PCDHGB2: variants seen among roughly 807,000 people sequenced by gnomAD.
PCDHGB2 encodes protocadherin gamma-B2.
In PCDHGB2, 55 loss-of-function variants were observed where a neutral mutation model predicts 59.3. The observed-to-expected ratio is 0.93, with a 90% CI of 0.75 to 1.16. PCDHGB2 has a LOEUF of 1.16. Ranked by LOEUF, PCDHGB2 falls within the 50% of genes most tolerant of loss-of-function variation. The pLI, the probability that PCDHGB2 is intolerant of heterozygous loss-of-function variation, is 0.00. For synonymous variants in PCDHGB2, 516 were observed against 512.0 expected (o/e 1.01, Z -0.11); for missense variants, 1,228 against 1,198.5 (o/e 1.02, Z -0.36).
intron 1 of PCDHGB2, among the ~76,000 whole-genome samples, chr5:141,454,658 G>A (rs961640658): frequency 7.2e-5 from 11 of 151,812 alleles, no homozygotes; most frequent in Admixed American, 6.6e-5. Context: ...TGCCCACCTC[G>A]GCCTCCCAAA....
In PCDHGB2 at chr5:141,477,982, G is replaced by A; in HGVS notation, c.2422-16825G>A. ...CTAACCAGAGCCTTTTTGCCATAGG[G>A]CTGCACACTGGTCAAATCAGTACTG... is the stretch of plus-strand genomic sequence containing the variant. On this transcript the variant is annotated intron_variant, in intron 1 of 3. Transcript: ENST00000522605. The surrounding 1 kb of genome is among the most constrained non-coding windows in gnomAD (Gnocchi z 4.9). 6.2e-7 allele frequency: 1 copy of A among 1,614,066 alleles called. No individual in the cohort carries two copies. Among genetic ancestry groups the A allele is most frequent in the Non-Finnish European group, 8.5e-7 (1 of 1,180,014 alleles).
chr5:141,385,048 C>A, intron 1 of PCDHGB2: 1 of 1,614,150 alleles, frequency 6.2e-7, no homozygotes, highest in Non-Finnish European at 8.5e-7. Flanking sequence ...GCTCAGGCTG[C>A]GGCGCTGGCA....
chr5:141,360,030 A>T lies in PCDHGB2; in HGVS notation c.-106A>T. Reference sequence around the variant, plus strand: ...AACCACACAGAGAAGGCCAGTATAGATTCGGAAACAGAAAACAAAAGCAGG... The same window carrying T: ...AACCACACAGAGAAGGCCAGTATAGTTTCGGAAACAGAAAACAAAAGCAGG... On this transcript the variant is annotated 5_prime_UTR_variant, in exon 1 of 4. Transcript: ENST00000522605. The T allele has an allele frequency of 4.3e-6, 6 of 1,381,784 alleles. No individual in the cohort carries two copies. The highest frequency in any genetic ancestry group is 5.8e-6 in the Non-Finnish European group (6 of 1,042,048). 85.6% of individuals were successfully genotyped at this position (1,381,784 alleles called of 1,614,324 possible).
intron 1 of PCDHGB2, chr5:141,409,189 C>T (rs1216028242): frequency 6.2e-7 from 1 of 1,613,918 alleles, no homozygotes; most frequent in Admixed American, 1.7e-5. Flanking sequence ...GTCTCTCTAC[C>T]CAGTGTAAAG....
rs764579211 is a variant in PCDHGB2 at position 141,489,393 on chromosome 5, T to C, written c.2422-5414T>C. 1.9e-5 allele frequency: 30 copies of C among 1,614,098 alleles called. No individual in the cohort carries two copies. In the South Asian group the frequency reaches 3.3e-4, roughly 18 times the overall value. On this transcript the variant is annotated intron_variant, in intron 1 of 3. Coordinates refer to ENST00000522605, the MANE Select transcript of PCDHGB2 (RefSeq NM_018923.3). The surrounding 1 kb of genome is among the most constrained non-coding windows in gnomAD (Gnocchi z 4.5). ...CGCTGGTGGGGAATGTTGCTCAGGA[T>C]CTGGGCTTAAAGATGACAGATCTGT...
chr5:141,430,910 G>A lies in PCDHGB2; in HGVS notation c.2422-63897G>A. The A allele has an allele frequency of 6.2e-7, 1 of 1,608,040 alleles. No homozygotes were observed. The highest frequency in any genetic ancestry group is 8.5e-7 in the Non-Finnish European group (1 of 1,177,584). On this transcript the variant is annotated intron_variant, in intron 1 of 3. Coordinates refer to ENST00000522605, the MANE Select transcript of PCDHGB2 (RefSeq NM_018923.3). ...CTCTAGGGTGGGCGACATCTCCAGG[G>A]ACCTGGGGCTGGAGCCCCGGGAGCT...
Position 141,491,797 on chromosome 5 carries a change from G to C in PCDHGB2, c.2422-3010G>C, listed in dbSNP as rs537755017. The C allele has an allele frequency of 7.9e-5, 119 of 1,506,700 alleles. No homozygotes were observed. In the Admixed American group the frequency reaches 1.4e-3, roughly 18 times the overall value. 93.3% of individuals were successfully genotyped at this position (1,506,700 alleles called of 1,614,324 possible). On this transcript the variant is annotated intron_variant, in intron 1 of 3. Coordinates refer to ENST00000522605, the MANE Select transcript of PCDHGB2 (RefSeq NM_018923.3). The surrounding 1 kb of genome is among the most constrained non-coding windows in gnomAD (Gnocchi z 6.9). The stretch of plus-strand genomic sequence containing the variant: ...ATTGAACTTGCATCCACTCCTCTCC[G>C]GCCGGCTTGGTCGCTGGCTGCGCTC...
At chr5:141,438,631 TATATACAC>T (rs1213304454) in intron 1 of PCDHGB2, among the ~76,000 whole-genome samples, 683 of 43,114 alleles carry the variant, frequency 0.016, 2 homozygotes, top group African/African-American at 0.049. Context: ...TATATATATA[TATATACAC>T]ACACACACAC....
chr5:141,379,107 T>G (rs74510444), intron 1 of PCDHGB2: 16 of 152,328 alleles, frequency 1.1e-4, no homozygotes, highest in African/African-American at 3.6e-4. Context: ...AAAAAGCAAT[T>G]GAGAAGATAC....
In PCDHGB2 at chr5:141,432,582, T is replaced by A. The variant is rs1561862595; in HGVS notation, c.2422-62225T>A. 2 of 1,613,236 alleles carry A rather than the reference T, an allele frequency of 1.2e-6. No homozygotes were observed. The highest frequency in any genetic ancestry group is 1.7e-6 in the Non-Finnish European group (2 of 1,179,922). On this transcript the variant is annotated intron_variant, in intron 1 of 3. Transcript: ENST00000522605. This position sits in a 1 kb window ranked among gnomAD's most constrained non-coding sequence, Gnocchi z 6.0. ...CAGAACGCCTGGCTGTCCTACCGTC[T>A]GCTCAAGGCCAGCGAGCCGGGACTC...
At chr5:141,394,057 T>C (rs1318938543) in intron 1 of PCDHGB2, 1 of 1,613,750 alleles carries the variant, frequency 6.2e-7, no homozygotes, top group East Asian at 2.2e-5. Flanking sequence ...CGAGAAAATG[T>C]CTCTATCTAC....
intron 1 of PCDHGB2, among the ~76,000 whole-genome samples, chr5:141,402,471 A>G (rs1241536886): frequency 6.6e-6 from 1 of 152,238 alleles, no homozygotes; most frequent in Non-Finnish European, 1.5e-5. Context: ...CTAGAAATAG[A>G]GTGCAAAGTT....
chr5:141,423,506 T>C (rs1242003813), intron 1 of PCDHGB2: 1 of 1,613,808 alleles, frequency 6.2e-7, no homozygotes, highest in African/African-American at 1.3e-5. Context: ...GAGGTCTCTC[T>C]CATTGCGGAC....
intron 1 of PCDHGB2, chr5:141,395,335 T>C (rs2093216572): frequency 6.9e-7 from 1 of 1,441,668 alleles, no homozygotes; most frequent in Non-Finnish European, 9.2e-7. Flanking sequence ...GAAAATAATT[T>C]TTAAGGTGTA....
chr5:141,423,940 G>A (rs937456850), intron 1 of PCDHGB2: 1 of 1,217,098 alleles, frequency 8.2e-7, no homozygotes, highest in Non-Finnish European at 1.0e-6. Flanking sequence ...TTTGAAGTAA[G>A]TTGAATTTTA....
chr5:141,485,601 G>T lies in PCDHGB2; in HGVS notation c.2422-9206G>T, dbSNP rs762783104. On this transcript the variant is annotated intron_variant, in intron 1 of 3. Transcript: ENST00000522605. The surrounding 1 kb of genome is among the most constrained non-coding windows in gnomAD (Gnocchi z 5.7). ...CGGCAGCAGCTGGACTTGGAAATTG[G>T]GGAGGCAGCTCCTCCAGGACAGCGT... The T allele has an allele frequency of 3.1e-6, 5 of 1,612,290 alleles. No individual in the cohort carries two copies. Among genetic ancestry groups the T allele is most frequent in the Non-Finnish European group, 4.2e-6 (5 of 1,178,722 alleles).
chr5:141,423,078 C>A (rs752144906), intron 1 of PCDHGB2: 1 of 1,613,990 alleles, frequency 6.2e-7, no homozygotes, highest in Admixed American at 1.7e-5. Context: ...AGCCGGGACT[C>A]TTCGCGGTGG....
rs780105196 is a variant in PCDHGB2 at position 141,366,612 on chromosome 5, C to T, written c.2421+4056C>T. 1.7e-5 allele frequency: 28 copies of T among 1,614,116 alleles called. No individual in the cohort carries two copies. In the Admixed American group the frequency reaches 4.5e-4, roughly 26 times the overall value. ...TATTCCCACGAGGTCTCCCTCACCG[C>T]GGACTCGAGGAAGAGTCACCTGATC... On this transcript the variant is annotated intron_variant, in intron 1 of 3. Transcript: ENST00000522605.
chr5:141,375,588 C>A, intron 1 of PCDHGB2: 1 of 1,614,180 alleles, frequency 6.2e-7, no homozygotes, highest in Non-Finnish European at 8.5e-7. Context: ...GCGCCCCTGT[C>A]CTCCTACGTG....
Sources: gnomAD v4.1 joint callset for allele counts (sites outside exome capture counted in the v4.1 genomes callset) on GRCh38, gnomAD v4.1.1 for gene constraint, Gnocchi (gnomAD v3.1) non-coding constraint, MANE v1.5 for transcripts, NCBI Gene and HGNC (gene_info 2026-07-23, HGNC 2026-07-21) for gene names.